TCF12: variants seen among roughly 807,000 people sequenced by gnomAD.
TCF12 encodes DNA-binding protein HTF4.
A neutral mutation model predicts 86.0 loss-of-function variants in TCF12; 45 were observed. That is an observed-to-expected ratio of 0.52 (90% CI 0.41 to 0.67). TCF12 has a LOEUF of 0.67. Among genes scored for constraint, TCF12 ranks in the 30% least tolerant of loss-of-function variants. The pLI is 0.00. For synonymous variants in TCF12, 330 were observed against 299.6 expected (o/e 1.10, Z -1.05); for missense variants, 881 against 859.9 (o/e 1.02, Z -0.31).
At chr15:56,998,745 C>G (rs1333176422) in intron 3 of TCF12, among the ~76,000 whole-genome samples, 1 of 152,060 alleles carries the variant, frequency 6.6e-6, no homozygotes, top group Non-Finnish European at 1.5e-5. Context: ...TACATTCTTT[C>G]CAAGGGAACA....
At chr15:56,982,823 A>AT (rs2062959269) in intron 3 of TCF12, among the ~76,000 whole-genome samples, 1 of 152,240 alleles carries the variant, frequency 6.6e-6, no homozygotes, top group Non-Finnish European at 1.5e-5. Flanking sequence ...TTGAGAAGTC[A>AT]TTTATAGTCT....
chr15:57,090,025 G>A (rs1265823054), intron 4 of TCF12, among the ~76,000 whole-genome samples: 2 of 152,178 alleles, frequency 1.3e-5, no homozygotes, highest in South Asian at 2.1e-4. Context: ...GACCAACCTG[G>A]GCAACATAGT....
At chr15:57,283,411 T>G (rs2061786652) in intron 20 of TCF12, among the ~76,000 whole-genome samples, 1 of 152,068 alleles carries the variant, frequency 6.6e-6, no homozygotes, top group African/African-American at 2.4e-5. Flanking sequence ...ATTACAGGTG[T>G]GCACCACCAT....
At chr15:57,273,007 C>G in intron 18 of TCF12, 23 bp from the exon 19 acceptor site, 1 of 1,606,728 alleles carries the variant, frequency 6.2e-7, no homozygotes, top group Non-Finnish European at 8.5e-7. Context: ...CCTAATAGAC[C>G]TTGTTGTTAC....
In TCF12 at chr15:57,149,582, A is replaced by G. The variant is rs547286584; in HGVS notation, c.326-16820A>G. 2.6e-5 allele frequency among the ~76,000 whole-genome samples: 4 copies of G among 152,366 alleles called. No homozygotes were observed. The South Asian group carries it at 8.3e-4, about 32-fold the overall frequency. ...CTAATGTTGGAAATAAGAGAGCACA[A>G]TATCATAAAAACAGAGGTAGTTTAA... is the stretch of plus-strand genomic sequence containing the variant. On this transcript the variant is annotated intron_variant, in intron 5 of 20. Transcript: ENST00000333725.
intron 8 of TCF12, among the ~76,000 whole-genome samples, chr15:57,199,260 A>G (rs1451971472): frequency 6.6e-6 from 1 of 152,196 alleles, no homozygotes; most frequent in Non-Finnish European, 1.5e-5. Context: ...GTTGTGTGCT[A>G]TGCAGGGGTA....
At chr15:57,052,236 G>T (rs2067681332) in intron 3 of TCF12, among the ~76,000 whole-genome samples, 1 of 152,068 alleles carries the variant, frequency 6.6e-6, no homozygotes, top group South Asian at 2.1e-4. Flanking sequence ...TACATTCTTG[G>T]TGTGATTGCC....
chr15:56,983,584 A>G (rs2062999315), intron 3 of TCF12, among the ~76,000 whole-genome samples: 1 of 152,202 alleles, frequency 6.6e-6, no homozygotes, highest in South Asian at 2.1e-4. Flanking sequence ...GCAGAACCCT[A>G]TAATCAAATA....
In TCF12 at chr15:57,021,140, A is replaced by G. The variant is rs151126742; in HGVS notation, c.149-42610A>G. ...TTATGAACACGCTTACAGAAATCTC[A>G]GTTAAAAAGAAGTTTAACTTTTCAG... is the stretch of plus-strand genomic sequence containing the variant. On this transcript the variant is annotated intron_variant, in intron 3 of 20. Coordinates refer to ENST00000333725, the MANE Select transcript of TCF12 (RefSeq NM_207037.2). Among the ~76,000 whole-genome samples the G allele has an allele frequency of 2.6e-3, 398 of 152,334 alleles. 1 individual carries two copies. Among genetic ancestry groups the G allele is most frequent in the Middle Eastern group, 0.01 (3 of 294 alleles).
At position 57,232,443 on chromosome 15, in the gene TCF12, A is replaced by T; in HGVS notation, c.825+13A>T. 6.3e-7 allele frequency: 1 copy of T among 1,593,064 alleles called. No individual in the cohort carries two copies. Among genetic ancestry groups the T allele is most frequent in the Non-Finnish European group, 8.5e-7 (1 of 1,172,962 alleles). On this transcript the variant is annotated intron_variant, in intron 10 of 20. Coordinates refer to ENST00000333725, the MANE Select transcript of TCF12 (RefSeq NM_207037.2). ...ACATGACCGCTTGGTAGGCTATAAC[A>T]CGTGACTAGGGTACAGCAACACTTT...
intron 3 of TCF12, among the ~76,000 whole-genome samples, chr15:56,936,932 C>T (rs955052762): frequency 6.6e-6 from 1 of 152,168 alleles, no homozygotes; most frequent in South Asian, 2.1e-4. Context: ...TCTTTTTGCT[C>T]AGTCTTGTTT....
At chr15:56,927,078 G>A (rs2060047193) in intron 3 of TCF12, among the ~76,000 whole-genome samples, 1 of 152,108 alleles carries the variant, frequency 6.6e-6, no homozygotes, top group Non-Finnish European at 1.5e-5. Context: ...TTGAGGGATT[G>A]GCTTTCTGTA....
At chr15:57,229,735 G>A (rs866064457) in intron 8 of TCF12, among the ~76,000 whole-genome samples, 28 of 151,764 alleles carry the variant, frequency 1.8e-4, no homozygotes, top group African/African-American at 6.5e-4. Context: ...TGCATACTTC[G>A]TACAAGGCAC....
intron 4 of TCF12, chr15:57,072,712 AAAGT>A (rs1297035054): frequency 3.1e-6 from 4 of 1,305,434 alleles, no homozygotes; most frequent in South Asian, 2.5e-5. Context: ...TCAGAGAATT[AAAGT>A]AAGTGTTTTC....
chr15:57,024,905 A>G lies in TCF12; in HGVS notation c.149-38845A>G, dbSNP rs372974038. Among the ~76,000 whole-genome samples, 11 of 152,232 alleles carry G rather than the reference A, an allele frequency of 7.2e-5. No individual in the cohort carries two copies. The East Asian group carries it at 9.6e-4, about 13-fold the overall frequency. ...CTGAGGTTAGGAAAAGGTAAATCCT[A>G]CATTAAAATGTTGGGTTATGTTTTA... On this transcript the variant is annotated intron_variant, in intron 3 of 20. Coordinates refer to ENST00000333725, the MANE Select transcript of TCF12 (RefSeq NM_207037.2).
rs564458830 is a variant in TCF12 at position 57,003,413 on chromosome 15, T to C, written c.149-60337T>C. ...TCACAATCAACAAAACAATAACTCATTCCTGAACTAAGTTTATCTAACACA... is the reference window on the plus strand; with the variant it reads ...TCACAATCAACAAAACAATAACTCACTCCTGAACTAAGTTTATCTAACACA... On this transcript the variant is annotated intron_variant, in intron 3 of 20. Transcript: ENST00000333725. Among the ~76,000 whole-genome samples, 290 of 152,308 alleles carry C rather than the reference T, an allele frequency of 1.9e-3. 1 individual carries two copies. Among genetic ancestry groups the C allele is most frequent in the African/African-American group, 6.7e-3 (279 of 41,564 alleles).
At chr15:57,074,009 C>T (rs1567366008) in intron 4 of TCF12, among the ~76,000 whole-genome samples, 1 of 152,150 alleles carries the variant, frequency 6.6e-6, no homozygotes. Context: ...CTCGTCCTCC[C>T]AAAGTGCTGG....
chr15:57,109,918 G>T (rs549712886), intron 5 of TCF12, among the ~76,000 whole-genome samples: 2 of 152,174 alleles, frequency 1.3e-5, no homozygotes, highest in Non-Finnish European at 2.9e-5. Context: ...AATTAAAGCG[G>T]TTAGAATTGC....
rs2062030166 is a variant in TCF12 at position 57,289,351 on chromosome 15, C to T, written c.*3206C>T. ...AATATAGAGACCATCTAGTAAATGA[C>T]CTCATTAATATATCTGTGAAAACTG... On this transcript the variant is annotated 3_prime_UTR_variant, in exon 21 of 21. Transcript: ENST00000333725. The T allele has an allele frequency of 6.6e-6, 1 of 151,990 alleles. No homozygotes were observed. The highest frequency in any genetic ancestry group is 2.1e-4 in the South Asian group (1 of 4,814). 9.4% of individuals were successfully genotyped at this position (151,990 alleles called of 1,614,324 possible). A position where few individuals can be genotyped will look rare whatever the true frequency, so the allele number is the denominator to read the frequency against.
Sources: allele counts gnomAD v4.1 joint callset (sites outside exome capture counted in the v4.1 genomes callset), GRCh38; gene constraint gnomAD v4.1.1; transcripts MANE v1.5; gene names NCBI Gene and HGNC (gene_info 2026-07-23, HGNC 2026-07-21).